The following UBAC2 variants were observed in gnomAD, a reference collection of about 807,000 sequenced individuals.
UBAC2 encodes ubiquitin-associated domain-containing protein 2.
In UBAC2, 26 loss-of-function variants were observed where a neutral mutation model predicts 44.0. The observed-to-expected ratio is 0.59, with a 90% CI of 0.43 to 0.82. The LOEUF (loss-of-function observed/expected upper bound fraction) is 0.82. Ranked by LOEUF, UBAC2 falls within the 40% of genes least tolerant of loss-of-function variation. The pLI is 0.00. For missense variants in UBAC2, 329 were observed against 419.4 expected, an observed-to-expected ratio of 0.78 and a Z score of 1.88; for synonymous variants, 155 against 154.3, an observed-to-expected ratio of 1.00 and a Z score of -0.04.
intron 4 of UBAC2, among the ~76,000 whole-genome samples, chr13:99,281,231 CAACAA>C (rs2043950749): frequency 6.6e-6 from 1 of 150,740 alleles, no homozygotes; most frequent in South Asian, 2.1e-4. Context: ...ACAACAGCAA[CAACAA>C]AAAAGTATAA....
At chr13:99,251,892 C>A (rs546173238) in intron 4 of UBAC2, among the ~76,000 whole-genome samples, 1 of 152,150 alleles carries the variant, frequency 6.6e-6, no homozygotes, top group African/African-American at 2.4e-5. Context: ...AGGTCTCTTA[C>A]GCCAAGCTTC....
Position 99,295,991 on chromosome 13 carries a change from G to C in UBAC2, c.390-18106G>C. The C allele has an allele frequency of 6.2e-7, 1 of 1,614,084 alleles. No individual in the cohort carries two copies. Among genetic ancestry groups the C allele is most frequent in the East Asian group, 2.2e-5 (1 of 44,884 alleles). ...CCTGTTTTGAACAATGACGACCAAG[G>C]CTAGTAAGTTTCCCACGAGCCCAAT... On this transcript the variant is annotated intron_variant, in intron 4 of 8. Coordinates refer to ENST00000403766, the MANE Select transcript of UBAC2 (RefSeq NM_001144072.2). The surrounding 1 kb of genome is among the most constrained non-coding windows in gnomAD (Gnocchi z 4.1).
chr13:99,301,848 A>G (rs2044261885), intron 4 of UBAC2, among the ~76,000 whole-genome samples: 1 of 152,230 alleles, frequency 6.6e-6, no homozygotes, highest in Admixed American at 6.5e-5. Context: ...TCGGGGATTT[A>G]GTTGGTGCTA....
intron 4 of UBAC2, among the ~76,000 whole-genome samples, chr13:99,278,176 C>T (rs2043908019): frequency 1.3e-5 from 2 of 152,140 alleles, no homozygotes; most frequent in South Asian, 4.1e-4. Flanking sequence ...TTATTTAGAC[C>T]TATTTAAAAG....
At chr13:99,321,918 G>T (rs1228631069) in intron 6 of UBAC2, among the ~76,000 whole-genome samples, 1 of 152,180 alleles carries the variant, frequency 6.6e-6, no homozygotes, top group Non-Finnish European at 1.5e-5. Flanking sequence ...GCCCAGGAAA[G>T]GTGAGGGGGA....
At chr13:99,341,563 G>A (rs1020197885) in intron 7 of UBAC2, among the ~76,000 whole-genome samples, 2 of 152,148 alleles carry the variant, frequency 1.3e-5, no homozygotes, top group East Asian at 3.8e-4. Context: ...TAAAGCTGGA[G>A]GATGGACATC....
chr13:99,201,046 G>A (rs1193707232), intron 1 of UBAC2, 107 bp downstream of exon 1: 2 of 1,301,190 alleles, frequency 1.5e-6, no homozygotes, highest in African/African-American at 1.5e-5. Context: ...GAGGTGGTGG[G>A]GCCGACCCTC....
chr13:99,254,967 T>C (rs1052716348), intron 4 of UBAC2: 3 of 1,614,070 alleles, frequency 1.9e-6, no homozygotes, highest in Non-Finnish European at 2.5e-6. Context: ...AATTACGGTA[T>C]AGCATGACAC....
intron 7 of UBAC2, among the ~76,000 whole-genome samples, chr13:99,365,100 A>G (rs1213252383): frequency 1.3e-5 from 2 of 152,236 alleles, no homozygotes; most frequent in Admixed American, 6.5e-5. Context: ...GTCTTTCATC[A>G]AAGTTATTGG....
chr13:99,259,024 T>G (rs1039156201), intron 4 of UBAC2, among the ~76,000 whole-genome samples: 1 of 152,234 alleles, frequency 6.6e-6, no homozygotes, highest in Non-Finnish European at 1.5e-5. Context: ...AGAAATAATT[T>G]CTTTTGCATA....
intron 5 of UBAC2, 39 bp downstream of exon 5, chr13:99,314,259 GATC>G (rs1566498328): frequency 5.1e-5 from 54 of 1,062,880 alleles, no homozygotes; most frequent in Non-Finnish European, 6.5e-5. Flanking sequence ...TCTTTAACCA[GATC>G]TTTTTTTTTT....
intron 6 of UBAC2, among the ~76,000 whole-genome samples, chr13:99,336,210 G>A (rs568297570): frequency 6.6e-6 from 1 of 152,134 alleles, no homozygotes; most frequent in African/African-American, 2.4e-5. Context: ...CACATTCCTA[G>A]GGTTTCTTGA....
At chr13:99,262,468 T>C (rs1451527096) in intron 4 of UBAC2, among the ~76,000 whole-genome samples, 5 of 152,034 alleles carry the variant, frequency 3.3e-5, no homozygotes, top group Admixed American at 6.6e-5. Context: ...TTTGGGAGGC[T>C]GAGGCGGGTG....
At chr13:99,353,428 TG>T (rs1338291485) in intron 7 of UBAC2, among the ~76,000 whole-genome samples, 2 of 152,350 alleles carry the variant, frequency 1.3e-5, no homozygotes, top group African/African-American at 4.8e-5. Flanking sequence ...ACTCATTAAG[TG>T]ACCTTGAGAA....
intron 4 of UBAC2, among the ~76,000 whole-genome samples, chr13:99,275,812 G>A (rs528614479): frequency 6.6e-6 from 1 of 152,120 alleles, no homozygotes; most frequent in African/African-American, 2.4e-5. Context: ...TTGGAGTCTC[G>A]GGATGAGGTC....
At chr13:99,341,512 A>G (rs1321542872) in intron 7 of UBAC2, among the ~76,000 whole-genome samples, 6 of 152,158 alleles carry the variant, frequency 3.9e-5, no homozygotes, top group African/African-American at 1.4e-4. Flanking sequence ...CTTGAATTTG[A>G]GTGACTCTGG....
intron 8 of UBAC2, among the ~76,000 whole-genome samples, chr13:99,375,189 G>A (rs942585694): frequency 6.6e-6 from 1 of 152,138 alleles, no homozygotes; most frequent in East Asian, 1.9e-4. Context: ...AGACCCTGAC[G>A]AGGCTCTAGA....
chr13:99,355,404 G>A (rs1321738561), intron 7 of UBAC2, among the ~76,000 whole-genome samples: 4 of 152,268 alleles, frequency 2.6e-5, no homozygotes, highest in South Asian at 2.1e-4. Flanking sequence ...CGTCACCAGC[G>A]TTCAGTGCTT....
intron 5 of UBAC2, among the ~76,000 whole-genome samples, chr13:99,316,545 G>A (rs1304449572): frequency 2.0e-5 from 3 of 152,252 alleles, no homozygotes; most frequent in Admixed American, 1.3e-4. Context: ...GGGCTATGAC[G>A]TTGTGGGCTC....
Sources: allele counts gnomAD v4.1 joint callset (sites outside exome capture counted in the v4.1 genomes callset), GRCh38; gene constraint gnomAD v4.1.1; non-coding constraint Gnocchi (gnomAD v3.1); transcripts MANE v1.5; gene names NCBI Gene and HGNC (gene_info 2026-07-23, HGNC 2026-07-21).